The following COL10A1 variants were observed in gnomAD, a reference collection of about 807,000 sequenced individuals.
COL10A1 encodes the protein collagen type X alpha 1 chain.
COL10A1 carries 10 observed loss-of-function variants against 18.2 expected under a neutral mutation model. The ratio of observed to expected loss-of-function variants is 0.55; its 90% CI spans 0.34 to 0.93. The LOEUF is 0.93. COL10A1 is among the 40% of genes least tolerant of loss of function. COL10A1 has a pLI of 0.02. For synonymous variants in COL10A1, 330 were observed against 316.6 expected (o/e 1.04, Z -0.45); for missense variants, 897 against 853.5 (o/e 1.05, Z -0.64).
At chr6:116,151,529 C>T (rs989429607) in intron 1 of COL10A1, among the ~76,000 whole-genome samples, 1 of 151,998 alleles carries the variant, frequency 6.6e-6, no homozygotes, top group Non-Finnish European at 1.5e-5. Flanking sequence ...TGTTTAAATT[C>T]GTTAATATAA....
chr6:116,185,685 G>A, the COL10A1 span, among the ~76,000 whole-genome samples: 10 of 152,014 alleles, frequency 6.6e-5, no homozygotes, highest in South Asian at 2.1e-4. Context: ...GAATAGCTAC[G>A]CCTGCTTGCT....
At chr6:116,207,793 T>C in the COL10A1 span, among the ~76,000 whole-genome samples, 1 of 151,952 alleles carries the variant, frequency 6.6e-6, no homozygotes, top group Non-Finnish European at 1.5e-5. Context: ...CTCTGCCCAC[T>C]CCTTGCAGAG....
the COL10A1 span, among the ~76,000 whole-genome samples, chr6:116,210,069 A>G: frequency 6.6e-6 from 1 of 151,970 alleles, no homozygotes; most frequent in African/African-American, 2.4e-5. Context: ...TAATATGACA[A>G]GGTTGAAGGG....
the COL10A1 span, among the ~76,000 whole-genome samples, chr6:116,191,925 G>A: frequency 6.6e-6 from 1 of 152,060 alleles, no homozygotes; most frequent in Non-Finnish European, 1.5e-5. Context: ...GCTGCTTCCT[G>A]TAAGCTACAT....
At chr6:116,132,020 GC>G (rs1207028900) in intron 1 of COL10A1, among the ~76,000 whole-genome samples, 1 of 152,092 alleles carries the variant, frequency 6.6e-6, no homozygotes, top group Non-Finnish European at 1.5e-5. Context: ...GTTTTTTATG[GC>G]TGCATAGTAT....
chr6:116,207,353 A>G, the COL10A1 span, among the ~76,000 whole-genome samples: 1 of 110,472 alleles, frequency 9.1e-6, no homozygotes, highest in African/African-American at 3.7e-5. Flanking sequence ...GACTTAATGT[A>G]TTCTAAAGAG....
chr6:116,213,134 G>T, the COL10A1 span, among the ~76,000 whole-genome samples: 1 of 152,044 alleles, frequency 6.6e-6, no homozygotes, highest in Non-Finnish European at 1.5e-5. Context: ...ACAAAACTCA[G>T]TATCATGTCA....
At chr6:116,208,843 C>T in the COL10A1 span, among the ~76,000 whole-genome samples, 3 of 151,900 alleles carry the variant, frequency 2.0e-5, no homozygotes, top group African/African-American at 7.2e-5. Flanking sequence ...AAAGAGATGG[C>T]AGAGTAAAGA....
chr6:116,197,232 T>G, the COL10A1 span, among the ~76,000 whole-genome samples: 1 of 151,982 alleles, frequency 6.6e-6, no homozygotes, highest in African/African-American at 2.4e-5. Context: ...CTTTGCCTGG[T>G]TAATGATGTC....
the COL10A1 span, among the ~76,000 whole-genome samples, chr6:116,168,652 T>C: frequency 4.6e-5 from 7 of 152,176 alleles, no homozygotes; most frequent in Admixed American, 4.6e-4. Context: ...TTTTATATTA[T>C]ATTGTCTCCT....
chr6:116,208,237 T>G, the COL10A1 span, among the ~76,000 whole-genome samples: 1 of 152,072 alleles, frequency 6.6e-6, no homozygotes. Context: ...GAGTCTGCTT[T>G]GCCCGGAGGC....
chr6:116,130,192 T>C (rs1779426149), upstream of COL10A1, among the ~76,000 whole-genome samples: 1 of 152,082 alleles, frequency 6.6e-6, no homozygotes, highest in African/African-American at 2.4e-5. Context: ...TGAAGTACAG[T>C]GTGTATAGAA....
chr6:116,201,906 A>G, the COL10A1 span, among the ~76,000 whole-genome samples: 2 of 152,018 alleles, frequency 1.3e-5, no homozygotes, highest in African/African-American at 4.8e-5. Flanking sequence ...CAAATGCCAC[A>G]CTGGTAGATT....
At chr6:116,196,197 A>T in the COL10A1 span, among the ~76,000 whole-genome samples, 1 of 152,008 alleles carries the variant, frequency 6.6e-6, no homozygotes, top group African/African-American at 2.4e-5. Flanking sequence ...TTCCTTGATG[A>T]CTTAAACCTC....
chr6:116,198,193 G>GAAC, the COL10A1 span, among the ~76,000 whole-genome samples: 1 of 152,052 alleles, frequency 6.6e-6, no homozygotes, highest in Non-Finnish European at 1.5e-5. Flanking sequence ...ACTGAGTAGT[G>GAAC]AACAACAGTT....
chr6:116,141,228 A>G (rs1445265928), intron 1 of COL10A1, among the ~76,000 whole-genome samples: 1 of 151,066 alleles, frequency 6.6e-6, no homozygotes, highest in Non-Finnish European at 1.5e-5. Context: ...TCCTCTCTCA[A>G]ATACCTGATT....
At chr6:116,198,433 A>G in the COL10A1 span, among the ~76,000 whole-genome samples, 1 of 152,012 alleles carries the variant, frequency 6.6e-6, no homozygotes, top group African/African-American at 2.4e-5. Flanking sequence ...CGTCCCATAC[A>G]TAAGAACTAC....
At chr6:116,134,036 C>A (rs537030084) in intron 1 of COL10A1, among the ~76,000 whole-genome samples, 55 of 152,284 alleles carry the variant, frequency 3.6e-4, no homozygotes, top group Non-Finnish European at 6.3e-4. Flanking sequence ...GAAGTTTAGA[C>A]ATGCTGTCAT....
upstream of COL10A1, among the ~76,000 whole-genome samples, chr6:116,126,286 T>C (rs1487232601): frequency 6.6e-6 from 1 of 152,206 alleles, no homozygotes; most frequent in African/African-American, 2.4e-5. Flanking sequence ...GGGCTCTCCT[T>C]TTCCTTGTTT....
Sources: allele counts gnomAD v4.1 joint callset (sites outside exome capture counted in the v4.1 genomes callset), GRCh38; gene constraint gnomAD v4.1.1; transcripts MANE v1.5; gene names NCBI Gene and HGNC (gene_info 2026-07-23, HGNC 2026-07-21).